Variants in UNC13C observed in about 807,000 individuals in gnomAD.
UNC13C encodes the protein unc-13 homolog C.
Under a neutral mutation model 245.4 loss-of-function variants are expected in UNC13C, and 174 were observed. The observed-to-expected ratio is 0.71, with a 90% confidence interval of 0.63 to 0.80. The LOEUF (loss-of-function observed/expected upper bound fraction) is 0.80. Ranked by LOEUF, UNC13C falls within the 30% of genes least tolerant of loss-of-function variation. The pLI is 0.00. For synonymous variants in UNC13C, 992 were observed against 895.1 expected (o/e 1.11, Z -1.93); for missense variants, 2,829 against 2,602.9 (o/e 1.09, Z -1.89).
intron 19 of UNC13C, among the ~76,000 whole-genome samples, chr15:54,471,734 G>A (rs185224546): frequency 3.0e-4 from 46 of 151,682 alleles, no homozygotes; most frequent in Non-Finnish European, 5.9e-4. Context: ...GTTGCTGTTG[G>A]ATGGAATCTT....
intron 4 of UNC13C, among the ~76,000 whole-genome samples, chr15:54,188,627 A>G (rs961073479): frequency 6.6e-6 from 1 of 152,192 alleles, no homozygotes; most frequent in African/African-American, 2.4e-5. Context: ...GTTCTTAATA[A>G]GTACACTATT....
intron 17 of UNC13C, 108 bp from the exon 18 acceptor site, chr15:54,392,939 GT>G: frequency 7.6e-7 from 1 of 1,314,100 alleles, no homozygotes; most frequent in Non-Finnish European, 1.0e-6. Flanking sequence ...CATAATCTAA[GT>G]TTCATTTCCA....
At chr15:54,076,883 C>T (rs1243253027) in intron 2 of UNC13C, among the ~76,000 whole-genome samples, 2 of 152,170 alleles carry the variant, frequency 1.3e-5, no homozygotes, top group East Asian at 3.8e-4. Context: ...TTAACATTAT[C>T]AGATTGATTT....
intron 17 of UNC13C, among the ~76,000 whole-genome samples, chr15:54,389,499 T>C (rs904832414): frequency 1.3e-5 from 2 of 152,206 alleles, no homozygotes; most frequent in Non-Finnish European, 2.9e-5. Context: ...CATTAGCATA[T>C]TAAAGGCTTC....
intron 4 of UNC13C, among the ~76,000 whole-genome samples, chr15:54,144,605 G>A (rs2032173926): frequency 1.3e-5 from 2 of 152,134 alleles, no homozygotes; most frequent in Admixed American, 1.3e-4. Flanking sequence ...TCCAGAGCCT[G>A]TAATCTCAAT....
At chr15:54,548,647 T>C (rs989854093) in intron 27 of UNC13C, among the ~76,000 whole-genome samples, 1 of 152,100 alleles carries the variant, frequency 6.6e-6, no homozygotes, top group East Asian at 1.9e-4. Flanking sequence ...TTATTTTTAG[T>C]GTGCAATTTT....
chr15:53,879,299 C>A, the UNC13C span, among the ~76,000 whole-genome samples: 1 of 151,950 alleles, frequency 6.6e-6, no homozygotes, highest in Non-Finnish European at 1.5e-5. Context: ...GTAGCTGGGA[C>A]TACAGGCACA....
Position 54,012,801 on chromosome 15 carries a change from T to C in UNC13C, c.-103T>C. 1.1e-6 allele frequency: 1 copy of C among 907,024 alleles called. No individual in the cohort carries two copies. The highest frequency in any genetic ancestry group is 1.7e-6 in the Non-Finnish European group (1 of 591,326). 56.2% of individuals were successfully genotyped at this position (907,024 alleles called of 1,614,324 possible). Reference sequence around the variant, plus strand: ...TGCCCTTCCTGCTCTTTCCAGTGATTCACAGAACTTCTGAACAGTGATGCT... The same window carrying C: ...TGCCCTTCCTGCTCTTTCCAGTGATCCACAGAACTTCTGAACAGTGATGCT... On this transcript the variant is annotated 5_prime_UTR_variant, in exon 2 of 33. Transcript: ENST00000260323.
the UNC13C span, among the ~76,000 whole-genome samples, chr15:53,909,550 G>A: frequency 6.9e-6 from 1 of 145,984 alleles, no homozygotes; most frequent in Non-Finnish European, 1.5e-5. Flanking sequence ...TCAGGAGATC[G>A]AGAGCATCCT....
intron 30 of UNC13C, among the ~76,000 whole-genome samples, chr15:54,571,505 G>T (rs539247676): frequency 1.3e-5 from 2 of 152,102 alleles, no homozygotes; most frequent in Non-Finnish European, 2.9e-5. Context: ...ACCATGTCAC[G>T]GTGTAAATAT....
At chr15:54,129,745 C>G (rs765579151) in intron 2 of UNC13C, among the ~76,000 whole-genome samples, 10 of 151,398 alleles carry the variant, frequency 6.6e-5, no homozygotes, top group Admixed American at 2.0e-4. Flanking sequence ...GTACCTTTAA[C>G]TATATCCTCT....
chr15:53,933,450 G>C, the UNC13C span, among the ~76,000 whole-genome samples: 1 of 152,066 alleles, frequency 6.6e-6, no homozygotes, highest in Non-Finnish European at 1.5e-5. Flanking sequence ...CTATAATGTG[G>C]TTAGACATTT....
chr15:54,252,522 T>A (rs62010057), intron 8 of UNC13C, among the ~76,000 whole-genome samples: 3,781 of 152,222 alleles, frequency 0.025, 84 homozygotes, highest in East Asian at 0.073. Flanking sequence ...CTCATATTGA[T>A]CAGAAAGAGG....
intron 8 of UNC13C, among the ~76,000 whole-genome samples, chr15:54,252,897 A>G (rs1267346010): frequency 6.6e-6 from 1 of 152,238 alleles, no homozygotes; most frequent in African/African-American, 2.4e-5. Context: ...ATGCTAGTTC[A>G]TAAATTAAAA....
chr15:54,127,394 T>A (rs1310832542), intron 2 of UNC13C, among the ~76,000 whole-genome samples: 1 of 152,122 alleles, frequency 6.6e-6, no homozygotes, highest in Non-Finnish European at 1.5e-5. Flanking sequence ...GATGAGTTCA[T>A]GACCTTTGCA....
At chr15:53,946,798 A>T in the UNC13C span, among the ~76,000 whole-genome samples, 1 of 151,298 alleles carries the variant, frequency 6.6e-6, no homozygotes, top group Non-Finnish European at 1.5e-5. Context: ...GAATCATATT[A>T]ACTGATTTGC....
chr15:54,264,975 C>T (rs747016074), intron 9 of UNC13C, among the ~76,000 whole-genome samples: 19 of 151,800 alleles, frequency 1.3e-4, no homozygotes, highest in East Asian at 1.9e-4. Flanking sequence ...TCAATATTGA[C>T]GGCAGACTCA....
intron 17 of UNC13C, among the ~76,000 whole-genome samples, chr15:54,373,911 C>T (rs560585524): frequency 6.6e-6 from 1 of 152,206 alleles, no homozygotes; most frequent in African/African-American, 2.4e-5. Flanking sequence ...CAGTACAGCT[C>T]TCTGGAGACT....
At chr15:54,338,271 A>T in intron 16 of UNC13C, 90 bp from the exon 17 acceptor site, 1 of 1,376,530 alleles carries the variant, frequency 7.3e-7, no homozygotes, top group Non-Finnish European at 9.7e-7. Flanking sequence ...ATCGACTGAA[A>T]GTATTTATTG....
Sources: allele counts gnomAD v4.1 joint callset (sites outside exome capture counted in the v4.1 genomes callset), GRCh38; gene constraint gnomAD v4.1.1; transcripts MANE v1.5; gene names NCBI Gene and HGNC (gene_info 2026-07-23, HGNC 2026-07-21).